The following SLIT3 variants were observed in gnomAD, a reference collection of about 807,000 sequenced individuals.
SLIT3 encodes slit guidance ligand 3, also known as slit homolog 3 protein.
In SLIT3, 68 loss-of-function variants were observed where a neutral mutation model predicts 184.0. The observed-to-expected ratio is 0.37, with a 90% confidence interval of 0.30 to 0.45. The LOEUF is 0.45. Among genes scored for constraint, SLIT3 ranks in the 20% least tolerant of loss-of-function variants. The pLI is 1.00. For missense variants in SLIT3, 1,707 were observed against 2,026.0 expected, an observed-to-expected ratio of 0.84 and a Z score of 3.02; for synonymous variants, 831 against 828.6, an observed-to-expected ratio of 1.00 and a Z score of -0.05.
At chr5:169,230,063 G>T (rs77498791) in intron 3 of SLIT3, among the ~76,000 whole-genome samples, 1 of 152,092 alleles carries the variant, frequency 6.6e-6, no homozygotes, top group Non-Finnish European at 1.5e-5. Flanking sequence ...GTAATCAATG[G>T]TACTTCTCAG....
At chr5:168,947,380 G>GC (rs1175081607) in intron 4 of SLIT3, among the ~76,000 whole-genome samples, 1 of 152,162 alleles carries the variant, frequency 6.6e-6, no homozygotes, top group Non-Finnish European at 1.5e-5. Flanking sequence ...TGCAGGGAGA[G>GC]CCACCGTCTG....
chr5:169,138,249 T>C (rs1761594126), intron 4 of SLIT3, among the ~76,000 whole-genome samples: 1 of 152,174 alleles, frequency 6.6e-6, no homozygotes, highest in South Asian at 2.1e-4. Context: ...GCATGGGACT[T>C]ATACCCCACC....
At chr5:168,951,721 G>A (rs1762656495) in intron 4 of SLIT3, among the ~76,000 whole-genome samples, 1 of 152,128 alleles carries the variant, frequency 6.6e-6, no homozygotes, top group Non-Finnish European at 1.5e-5. Context: ...CCTTCTAGAA[G>A]GGAACCCTCT....
At chr5:168,937,627 A>C (rs1015037493) in intron 4 of SLIT3, among the ~76,000 whole-genome samples, 4 of 152,052 alleles carry the variant, frequency 2.6e-5, no homozygotes, top group African/African-American at 9.7e-5. Flanking sequence ...TGAGCCTGTG[A>C]ACCTGGAAGC....
intron 20 of SLIT3, among the ~76,000 whole-genome samples, chr5:168,742,737 G>A (rs1465525969): frequency 6.8e-6 from 1 of 146,290 alleles, no homozygotes; most frequent in Non-Finnish European, 1.5e-5. Flanking sequence ...CCTGGGCAAA[G>A]AGGAAGAAAA....
Position 169,151,149 on chromosome 5 carries a change from C to A in SLIT3, c.413+42330G>T, listed in dbSNP as rs562195181. Among the ~76,000 whole-genome samples, 4 of 152,276 alleles carry A rather than the reference C, an allele frequency of 2.6e-5. No homozygotes were observed. The East Asian group carries it at 7.7e-4, about 29-fold the overall frequency. On this transcript the variant is annotated intron_variant, in intron 4 of 35. Transcript: ENST00000519560. Reference sequence around the variant, plus strand: ...GGGACACCAGGATCGACGTTTGAAACAGAAGCAGTGACCACCCCCTGCTTC... The same window carrying A: ...GGGACACCAGGATCGACGTTTGAAAAAGAAGCAGTGACCACCCCCTGCTTC...
intron 20 of SLIT3, among the ~76,000 whole-genome samples, chr5:168,725,515 C>T (rs919152098): frequency 1.3e-5 from 2 of 152,192 alleles, no homozygotes; most frequent in African/African-American, 4.8e-5. Flanking sequence ...CCATAGCATC[C>T]TCTCCTATAA....
intron 4 of SLIT3, among the ~76,000 whole-genome samples, chr5:168,929,776 C>T (rs1162378000): frequency 6.6e-6 from 1 of 152,246 alleles, no homozygotes; most frequent in African/African-American, 2.4e-5. Flanking sequence ...TTCATACTGG[C>T]TCGTGGGCTG....
intron 14 of SLIT3, among the ~76,000 whole-genome samples, chr5:168,764,915 C>T (rs1328952247): frequency 6.6e-6 from 1 of 152,202 alleles, no homozygotes; most frequent in African/African-American, 2.4e-5. Flanking sequence ...GACCCATCAG[C>T]GTGCCGAGTC....
intron 10 of SLIT3, among the ~76,000 whole-genome samples, chr5:168,792,819 C>T (rs1444144832): frequency 1.3e-5 from 2 of 152,204 alleles, no homozygotes; most frequent in Non-Finnish European, 2.9e-5. Context: ...AATCCAAAAT[C>T]TGAAATGCTC....
At chr5:168,758,445 G>A (rs1476575647) in intron 16 of SLIT3, among the ~76,000 whole-genome samples, 1 of 152,308 alleles carries the variant, frequency 6.6e-6, no homozygotes, top group Non-Finnish European at 1.5e-5. Context: ...AGGCCTGTAA[G>A]TTTCTGTCTT....
At chr5:169,203,555 G>T (rs983140591) in intron 3 of SLIT3, among the ~76,000 whole-genome samples, 1 of 152,158 alleles carries the variant, frequency 6.6e-6, no homozygotes, top group Non-Finnish European at 1.5e-5. Context: ...CAACTCCCCA[G>T]ATTCAAGAAT....
chr5:168,700,259 G>A (rs1052337274), intron 27 of SLIT3, among the ~76,000 whole-genome samples: 18 of 152,180 alleles, frequency 1.2e-4, no homozygotes, highest in African/African-American at 3.6e-4. Context: ...TAATCCCCAA[G>A]TGTCAAGGGT....
chr5:169,193,452 T>TAGAGAACACAAGGC (rs1763627514), intron 4 of SLIT3, 27 bp downstream of exon 4: 2 of 1,601,824 alleles, frequency 1.2e-6, no homozygotes, highest in South Asian at 2.2e-5. Context: ...AGGCACAAGG[T>TAGAGAACACAAGGC]AGAGAACACA....
At chr5:168,941,316 G>A (rs1762326149) in intron 4 of SLIT3, among the ~76,000 whole-genome samples, 1 of 152,158 alleles carries the variant, frequency 6.6e-6, no homozygotes, top group African/African-American at 2.4e-5. Flanking sequence ...CGAAGTCAGA[G>A]CTGAGTTCAA....
At chr5:168,827,206 T>G (rs1286049059) in intron 6 of SLIT3, among the ~76,000 whole-genome samples, 1 of 152,208 alleles carries the variant, frequency 6.6e-6, no homozygotes, top group Non-Finnish European at 1.5e-5. Flanking sequence ...CATGTTAGTT[T>G]CCTATGGCTG....
At chr5:169,131,512 G>A (rs1761296320) in intron 4 of SLIT3, among the ~76,000 whole-genome samples, 1 of 152,192 alleles carries the variant, frequency 6.6e-6, no homozygotes, top group South Asian at 2.1e-4. Context: ...TGAGCCCTAA[G>A]TCCCTTTTAT....
At chr5:169,019,407 C>T (rs1284518741) in intron 4 of SLIT3, among the ~76,000 whole-genome samples, 1 of 152,214 alleles carries the variant, frequency 6.6e-6, no homozygotes, top group African/African-American at 2.4e-5. Flanking sequence ...CAAGTTAATT[C>T]ATTAAAAGAA....
chr5:168,933,929 C>T (rs925890045), intron 4 of SLIT3, among the ~76,000 whole-genome samples: 3 of 152,124 alleles, frequency 2.0e-5, no homozygotes, highest in African/African-American at 7.2e-5. Context: ...GGAGTTCATC[C>T]TTCATTTATT....
Sources: allele counts gnomAD v4.1 joint callset (sites outside exome capture counted in the v4.1 genomes callset), GRCh38; gene constraint gnomAD v4.1.1; transcripts MANE v1.5; gene names NCBI Gene and HGNC (gene_info 2026-07-23, HGNC 2026-07-21).